Variants in XRN2 observed in about 807,000 individuals in gnomAD.
XRN2 encodes DHM1-like protein.
In XRN2, 44 loss-of-function variants were observed where a neutral mutation model predicts 138.5. The ratio of observed to expected loss-of-function variants is 0.32; its 90% CI spans 0.25 to 0.41. The LOEUF (loss-of-function observed/expected upper bound fraction) is 0.41. Ranked by LOEUF, XRN2 falls within the 10% of genes least tolerant of loss-of-function variation. The pLI is 1.00. For missense variants in XRN2, 937 were observed against 1,169.3 expected, an observed-to-expected ratio of 0.80 and a Z score of 2.90; for synonymous variants, 354 against 369.4, an observed-to-expected ratio of 0.96 and a Z score of 0.48.
intron 20 of XRN2, among the ~76,000 whole-genome samples, chr20:21,351,082 G>T (rs1055018515): frequency 6.6e-6 from 1 of 151,904 alleles, no homozygotes; most frequent in Admixed American, 6.6e-5. Flanking sequence ...TTATTAAATC[G>T]TTGTCTGGGT....
intron 19 of XRN2, 52 bp from the exon 20 acceptor site, chr20:21,349,337 A>T: frequency 8.4e-7 from 1 of 1,194,130 alleles, no homozygotes; most frequent in South Asian, 1.3e-5. Flanking sequence ...AATTCTTTAT[A>T]ACAGAGATGT....
chr20:21,316,113 G>A (rs978097572), intron 1 of XRN2, among the ~76,000 whole-genome samples: 3 of 152,090 alleles, frequency 2.0e-5, no homozygotes, highest in Admixed American at 2.0e-4. Flanking sequence ...AATTAGCCGG[G>A]TGTGGTGGTG....
chr20:21,373,848 C>T (rs1313068910), intron 27 of XRN2, among the ~76,000 whole-genome samples: 2 of 151,738 alleles, frequency 1.3e-5, no homozygotes, highest in African/African-American at 2.4e-5. Context: ...GTTTTGTAGG[C>T]GTTCTTATAT....
chr20:21,357,408 A>C (rs1600705233), intron 23 of XRN2, among the ~76,000 whole-genome samples: 1 of 152,132 alleles, frequency 6.6e-6, no homozygotes, highest in Non-Finnish European at 1.5e-5. Flanking sequence ...GCAGTTTGTG[A>C]GAGATCTTGT....
intron 1 of XRN2, among the ~76,000 whole-genome samples, chr20:21,308,804 A>G (rs776467226): frequency 4.6e-5 from 7 of 152,200 alleles, no homozygotes; most frequent in Non-Finnish European, 8.8e-5. Context: ...CTTGGGAGCA[A>G]ACATTTAAAA....
intron 24 of XRN2, among the ~76,000 whole-genome samples, chr20:21,358,853 C>T (rs1012036212): frequency 1.3e-5 from 2 of 152,158 alleles, no homozygotes; most frequent in Non-Finnish European, 2.9e-5. Context: ...TTGAAAGCCA[C>T]GCTCCTAAAC....
chr20:21,303,903 A>G (rs1029153713), intron 1 of XRN2: 10 of 972,198 alleles, frequency 1.0e-5, no homozygotes, highest in East Asian at 2.3e-4. Context: ...CTTTTTGACA[A>G]CCTTGTAAAG....
chr20:21,337,924 G>A (rs1234502570), intron 13 of XRN2, among the ~76,000 whole-genome samples: 2 of 152,088 alleles, frequency 1.3e-5, no homozygotes, highest in Non-Finnish European at 2.9e-5. Context: ...TAGTCTGCAG[G>A]TCATTGGTGA....
At chr20:21,322,271 C>T (rs182101333) in intron 1 of XRN2, among the ~76,000 whole-genome samples, 32 of 152,252 alleles carry the variant, frequency 2.1e-4, no homozygotes, top group African/African-American at 6.7e-4. Context: ...ATCTAACACA[C>T]GTACAACTTG....
intron 24 of XRN2, among the ~76,000 whole-genome samples, chr20:21,359,196 G>T (rs1206633466): frequency 1.3e-5 from 2 of 152,076 alleles, no homozygotes; most frequent in African/African-American, 4.8e-5. Context: ...GCCTAAAGGG[G>T]CCTTTGGTAT....
At chr20:21,381,404 G>C (rs575973266) in intron 27 of XRN2, among the ~76,000 whole-genome samples, 2 of 152,300 alleles carry the variant, frequency 1.3e-5, no homozygotes, top group African/African-American at 4.8e-5. Flanking sequence ...GTTTCTTCTA[G>C]TTAGATGATG....
chr20:21,330,659 A>G lies in XRN2; in HGVS notation c.530A>G (p.Tyr177Cys), dbSNP rs1480967263. 1.2e-6 allele frequency: 2 copies of G among 1,613,388 alleles called. No individual in the cohort carries two copies. The highest frequency in any genetic ancestry group is 3.3e-5 in the Admixed American group (2 of 60,018). ...MDNLAKCLRYYIADRLNNDPG... is the reference protein window; with the variant it reads ...MDNLAKCLRYCIADRLNNDPG... ...AATCTTGCTAAATGCCTTCGCTATT[A>G]CATAGCTGATCGTTTAAATAATGAC... is the stretch of plus-strand genomic sequence containing the variant. The change falls in exon 6 of 30, where the codon TAC becomes TGC. Residue 177 changes from tyrosine (Y) to cysteine (C), a missense_variant. By Grantham distance (194) the Tyr-to-Cys change is radical (BLOSUM62 -2). Coordinates refer to ENST00000377191, the MANE Select transcript of XRN2 (RefSeq NM_012255.5).
At chr20:21,365,771 TATTTATGCCATATATATAA>T (rs2038685918) in intron 26 of XRN2, 67 bp downstream of exon 26, 1 of 1,318,278 alleles carries the variant, frequency 7.6e-7, no homozygotes, top group South Asian at 1.7e-5. Context: ...AACAAGTCAG[TATTTATGCCATATATATAA>T]ATTTATGCCA....
intron 13 of XRN2, among the ~76,000 whole-genome samples, chr20:21,337,079 C>T (rs536778384): frequency 6.5e-4 from 99 of 152,304 alleles, no homozygotes; most frequent in Middle Eastern, 3.4e-3. Flanking sequence ...TAGGACCCAA[C>T]AGGTCATCAT....
At chr20:21,317,715 A>G (rs879758025) in intron 1 of XRN2, among the ~76,000 whole-genome samples, 2 of 152,204 alleles carry the variant, frequency 1.3e-5, no homozygotes, top group African/African-American at 4.8e-5. Context: ...ATACTGTACC[A>G]TTTAGGGAAT....
chr20:21,305,461 G>A (rs2037803348), intron 1 of XRN2, among the ~76,000 whole-genome samples: 3 of 147,572 alleles, frequency 2.0e-5, no homozygotes, highest in Admixed American at 6.9e-5. Flanking sequence ...TGCCATGTTG[G>A]TCAGGCTGGT....
chr20:21,333,458 T>G, intron 9 of XRN2, 86 bp from the exon 10 acceptor site: 1 of 1,354,532 alleles, frequency 7.4e-7, no homozygotes, highest in South Asian at 1.2e-5. Context: ...GGATTGTGCG[T>G]TAGAAAAAGC....
At chr20:21,312,602 ATTTTTTTT>A (rs375836250) in intron 1 of XRN2, among the ~76,000 whole-genome samples, 198 of 137,264 alleles carry the variant, frequency 1.4e-3, no homozygotes, top group Middle Eastern at 3.7e-3. Context: ...AAACCCCAAG[ATTTTTTTT>A]TTTTTTTTTT....
At chr20:21,367,470 G>A (rs2038716905) in intron 26 of XRN2, among the ~76,000 whole-genome samples, 1 of 151,820 alleles carries the variant, frequency 6.6e-6, no homozygotes. Context: ...GTGTGGCAGA[G>A]TGATTAAGAG....
Sources: gnomAD v4.1 joint callset for allele counts (sites outside exome capture counted in the v4.1 genomes callset) on GRCh38, gnomAD v4.1.1 for gene constraint, MANE v1.5 for transcripts, NCBI Gene and HGNC (gene_info 2026-07-23, HGNC 2026-07-21) for gene names.